The following CDH12 variants were observed in gnomAD, a reference collection of about 807,000 sequenced individuals.
CDH12 encodes the protein cadherin 12.
CDH12 carries 41 observed loss-of-function variants against 74.1 expected under a neutral mutation model. That is an observed-to-expected ratio of 0.55 (90% CI 0.43 to 0.72). The LOEUF (loss-of-function observed/expected upper bound fraction) is 0.72, where lower values mean the gene tolerates loss of function less well. Ranked by LOEUF, CDH12 falls within the 30% of genes least tolerant of loss-of-function variation. CDH12 has a pLI of 0.00. For synonymous variants in CDH12, 399 were observed against 355.0 expected (o/e 1.12, Z -1.39); for missense variants, 945 against 977.2 (o/e 0.97, Z 0.44).
intron 3 of CDH12, among the ~76,000 whole-genome samples, chr5:22,349,812 G>A (rs1740283322): frequency 6.6e-6 from 1 of 152,144 alleles, no homozygotes; most frequent in East Asian, 1.9e-4. Context: ...TCGGCTCACT[G>A]CAAGCTCCGC....
chr5:22,832,249 A>T (rs930992233), intron 1 of CDH12, among the ~76,000 whole-genome samples: 18 of 152,204 alleles, frequency 1.2e-4, no homozygotes, highest in African/African-American at 3.9e-4. Context: ...TTGGAAGATT[A>T]TTGGAGCATT....
In CDH12 at chr5:22,291,071, A is replaced by T. The variant is rs574589913; in HGVS notation, c.-332-78428T>A. On this transcript the variant is annotated intron_variant, in intron 3 of 14. Transcript: ENST00000382254. ...ATGCGAGGATGATTCGGCATACATA[A>T]ATCAATAGATGTGATACATCAAATT... Among the ~76,000 whole-genome samples, 56 of 152,320 alleles carry T rather than the reference A, an allele frequency of 3.7e-4. 1 individual carries two copies. The South Asian group carries it at 0.011, about 30-fold the overall frequency.
chr5:22,608,026 C>A (rs1451852022), intron 1 of CDH12, among the ~76,000 whole-genome samples: 1 of 152,162 alleles, frequency 6.6e-6, no homozygotes, highest in South Asian at 2.1e-4. Flanking sequence ...GGGGTTGGAG[C>A]CCCACACAGA....
At chr5:21,939,551 G>A (rs1415783142) in intron 6 of CDH12, among the ~76,000 whole-genome samples, 1 of 151,666 alleles carries the variant, frequency 6.6e-6, no homozygotes, top group Non-Finnish European at 1.5e-5. Context: ...AAAGCATTTT[G>A]CCCTCACAAA....
chr5:22,383,019 A>G (rs1028845193), intron 3 of CDH12, among the ~76,000 whole-genome samples: 3 of 152,008 alleles, frequency 2.0e-5, no homozygotes, highest in Non-Finnish European at 4.4e-5. Context: ...TTTAGTAAAG[A>G]CGGGATTTCA....
intron 6 of CDH12, among the ~76,000 whole-genome samples, chr5:21,894,306 G>T (rs1753022375): frequency 6.6e-6 from 1 of 150,950 alleles, no homozygotes; most frequent in Non-Finnish European, 1.5e-5. Flanking sequence ...TTGAACCCGG[G>T]AGGCGGAGTT....
intron 1 of CDH12, among the ~76,000 whole-genome samples, chr5:22,777,007 T>C (rs866425178): frequency 6.6e-6 from 1 of 152,154 alleles, no homozygotes; most frequent in Non-Finnish European, 1.5e-5. Context: ...CACACCTCCA[T>C]TTTTTAATAT....
intron 2 of CDH12, among the ~76,000 whole-genome samples, chr5:22,424,384 G>A (rs1743803128): frequency 6.6e-6 from 1 of 152,096 alleles, no homozygotes; most frequent in East Asian, 1.9e-4. Flanking sequence ...AAAACTCCAG[G>A]GTAATACACT....
rs188434213 is a variant in CDH12, at chr5:22,245,623, T to C, written c.-332-32980A>G. Among the ~76,000 whole-genome samples, 1,515 of 151,958 alleles carry C rather than the reference T, an allele frequency of 1.0e-2. 17 individuals are homozygous for C. The highest frequency in any genetic ancestry group is 0.015 in the Non-Finnish European group (996 of 67,944). ...ACTACAGACTTAAATATATATGTGA[T>C]ATACATAAATCTGTAGTTCATATAT... On this transcript the variant is annotated intron_variant, in intron 3 of 14. Transcript: ENST00000382254.
chr5:22,689,284 C>A (rs16898162), intron 1 of CDH12, among the ~76,000 whole-genome samples: 17,967 of 152,084 alleles, frequency 0.12, 1,395 homozygotes, highest in Admixed American at 0.2. Flanking sequence ...AGCTGTTGGG[C>A]TTAATTTGCA....
rs759734847 is a variant in CDH12 at position 22,314,941 on chromosome 5, C to CTTTTTTTTT, written c.-333+90307_-333+90315dup. The stretch of plus-strand genomic sequence containing the variant: ...GAAAAGCAGAGGTCCCTGGGTTGGT[C>CTTTTTTTTT]TTTTTTTTTTTTTTTTTTTTTTTTT... On this transcript the variant is annotated intron_variant, in intron 3 of 14. Coordinates refer to ENST00000382254, the MANE Select transcript of CDH12 (RefSeq NM_004061.5). 3.3e-3 allele frequency among the ~76,000 whole-genome samples: 223 copies of CTTTTTTTTT among 67,754 alleles called. 78 individuals carry two copies. Among genetic ancestry groups the CTTTTTTTTT allele is most frequent in the African/African-American group, 4.1e-3 (60 of 14,806 alleles). 44.4% of individuals were successfully genotyped at this position (67,754 alleles called of 152,430 possible). A position where few individuals can be genotyped will look rare whatever the true frequency, so the allele number is the denominator to read the frequency against.
intron 1 of CDH12, among the ~76,000 whole-genome samples, chr5:22,684,586 G>A (rs372568101): frequency 1.3e-5 from 2 of 152,164 alleles, no homozygotes; most frequent in African/African-American, 2.4e-5. Flanking sequence ...GGGCTGTCAC[G>A]TATTCTTAGG....
At chr5:21,760,505 C>G (rs559400881) in intron 13 of CDH12, 53 bp downstream of exon 13, 1 of 848,886 alleles carries the variant, frequency 1.2e-6, no homozygotes, top group Non-Finnish European at 2.0e-6. Flanking sequence ...TCCCTTTGTG[C>G]CTTTTTACAA....
intron 7 of CDH12, among the ~76,000 whole-genome samples, chr5:21,844,190 A>G (rs763226328): frequency 3.9e-5 from 6 of 152,138 alleles, no homozygotes; most frequent in Admixed American, 6.6e-5. Flanking sequence ...AAGATGATGC[A>G]ATCATTTTTT....
chr5:22,739,246 A>G (rs1188017258), intron 1 of CDH12, among the ~76,000 whole-genome samples: 1 of 152,000 alleles, frequency 6.6e-6, no homozygotes, highest in Non-Finnish European at 1.5e-5. Context: ...AAATGAATGT[A>G]TTAGGGCCTA....
chr5:22,788,184 C>T (rs570673920), intron 1 of CDH12, among the ~76,000 whole-genome samples: 1 of 152,232 alleles, frequency 6.6e-6, no homozygotes, highest in African/African-American at 2.4e-5. Flanking sequence ...ATTTGTGAGT[C>T]TCATCTGCAG....
Position 22,435,524 on chromosome 5 carries a change from G to GTGTGTGTGTA in CDH12, c.-427-30174_-427-30173insTACACACACA, listed in dbSNP as rs148027987. Among the ~76,000 whole-genome samples the GTGTGTGTGTA allele has an allele frequency of 9.9e-3, 1,478 of 148,804 alleles. 11 individuals are homozygous for GTGTGTGTGTA. Among genetic ancestry groups the GTGTGTGTGTA allele is most frequent in the East Asian group, 0.019 (97 of 5,012 alleles). ...TGTGTGTGTGTGTGTGTGTGTGTGT[G>GTGTGTGTGTA]TATATACATATATACTATTAGTTCA... On this transcript the variant is annotated intron_variant, in intron 2 of 14. Transcript: ENST00000382254.
intron 1 of CDH12, among the ~76,000 whole-genome samples, chr5:22,713,185 A>C (rs1743380997): frequency 8.7e-6 from 1 of 114,498 alleles, no homozygotes; most frequent in South Asian, 2.8e-4. Flanking sequence ...TCTCCCGCCC[A>C]TCTGGAGTGC....
chr5:21,931,420 G>A (rs1456305517), intron 6 of CDH12, among the ~76,000 whole-genome samples: 1 of 152,146 alleles, frequency 6.6e-6, no homozygotes, highest in African/African-American at 2.4e-5. Flanking sequence ...ATCAGCTGCA[G>A]TTCAGATCCC....
Sources: allele counts gnomAD v4.1 joint callset (sites outside exome capture counted in the v4.1 genomes callset), GRCh38; gene constraint gnomAD v4.1.1; transcripts MANE v1.5; gene names NCBI Gene and HGNC (gene_info 2026-07-23, HGNC 2026-07-21).